EVI5: variants seen among roughly 807,000 people sequenced by gnomAD.
The protein encoded by EVI5 is ecotropic viral integration site 5.
A neutral mutation model predicts 112.0 loss-of-function variants in EVI5; 73 were observed. The observed-to-expected ratio is 0.65, with a 90% CI of 0.54 to 0.79. The LOEUF is 0.79. Among genes scored for constraint, EVI5 ranks in the 30% least tolerant of loss-of-function variants. EVI5 has a pLI of 0.00. For missense variants in EVI5, 900 were observed against 968.8 expected (o/e 0.93, Z 0.94); for synonymous variants, 305 against 319.9 (o/e 0.95, Z 0.50).
chr1:92,701,687 A>ATC (rs1671173349), intron 5 of EVI5, among the ~76,000 whole-genome samples: 1 of 152,054 alleles, frequency 6.6e-6, no homozygotes, highest in Non-Finnish European at 1.5e-5. Context: ...GTGGCTGAGT[A>ATC]CCACTATTTT....
upstream of EVI5, among the ~76,000 whole-genome samples, chr1:92,788,686 C>T (rs201533061): frequency 4.6e-3 from 695 of 151,896 alleles, 1 homozygote; most frequent in South Asian, 0.03. Context: ...CCCAGCTGCT[C>T]GGGAGGCTGA....
At chr1:92,716,361 AC>A (rs1156654466) in intron 2 of EVI5, among the ~76,000 whole-genome samples, 5 of 152,180 alleles carry the variant, frequency 3.3e-5, no homozygotes, top group Non-Finnish European at 7.4e-5. Flanking sequence ...ATTCCAACAG[AC>A]CTGAAACTGA....
intron 13 of EVI5, among the ~76,000 whole-genome samples, chr1:92,660,883 A>G (rs1246393297): frequency 1.3e-5 from 2 of 152,004 alleles, no homozygotes; most frequent in Non-Finnish European, 2.9e-5. Context: ...AACTACATAC[A>G]TTTCCAACAC....
chr1:92,632,793 T>C (rs1395374746), intron 14 of EVI5, among the ~76,000 whole-genome samples: 1 of 152,218 alleles, frequency 6.6e-6, no homozygotes, highest in African/African-American at 2.4e-5. Context: ...TCTTTCCTGC[T>C]TTCTCTTGTG....
chr1:92,581,199 T>C (rs1671879714), intron 18 of EVI5, among the ~76,000 whole-genome samples: 1 of 152,230 alleles, frequency 6.6e-6, no homozygotes, highest in Non-Finnish European at 1.5e-5. Context: ...TGTTCTCACT[T>C]TTCTATAGTC....
chr1:92,785,247 A>C (rs1264377089), upstream of EVI5: 2 of 281,946 alleles, frequency 7.1e-6, no homozygotes, highest in Non-Finnish European at 1.1e-5. Context: ...GGAGGCGGGG[A>C]AATCGCTCTC....
At chr1:92,676,032 A>G (rs541453416) in intron 10 of EVI5, among the ~76,000 whole-genome samples, 169 of 151,920 alleles carry the variant, frequency 1.1e-3, no homozygotes, top group African/African-American at 3.7e-3. Flanking sequence ...TTAAAAAAAA[A>G]AAAAGGAAGG....
intron 19 of EVI5, among the ~76,000 whole-genome samples, chr1:92,553,408 T>A (rs1427017682): frequency 6.7e-6 from 1 of 150,070 alleles, no homozygotes; most frequent in Admixed American, 6.7e-5. Context: ...GTTCAAGCGA[T>A]TCTCCTGCCT....
intron 16 of EVI5, among the ~76,000 whole-genome samples, chr1:92,621,084 A>T (rs1016412772): frequency 1.3e-5 from 2 of 152,090 alleles, no homozygotes; most frequent in Non-Finnish European, 2.9e-5. Flanking sequence ...CACTAAAAAA[A>T]CTCTTGAAAG....
intron 16 of EVI5, among the ~76,000 whole-genome samples, chr1:92,610,762 T>C (rs1651575607): frequency 6.6e-6 from 1 of 151,960 alleles, no homozygotes; most frequent in Non-Finnish European, 1.5e-5. Context: ...GTCCAAAATA[T>C]ACCTAATATG....
chr1:92,772,906 T>TAA (rs529315237), intron 1 of EVI5, among the ~76,000 whole-genome samples: 16,736 of 109,594 alleles, frequency 0.15, 1,460 homozygotes, highest in South Asian at 0.23. Context: ...AACCCCATCT[T>TAA]AAAAAAAAAA....
intron 18 of EVI5, among the ~76,000 whole-genome samples, chr1:92,603,676 AT>A (rs71311975): frequency 1.2e-3 from 182 of 151,420 alleles, no homozygotes; most frequent in Non-Finnish European, 2.3e-3. Flanking sequence ...GGTGTATAAA[AT>A]TTTTTTTATA....
intron 19 of EVI5, among the ~76,000 whole-genome samples, chr1:92,534,429 A>G (rs1663450215): frequency 6.6e-6 from 1 of 152,198 alleles, no homozygotes; most frequent in Non-Finnish European, 1.5e-5. Context: ...GGAAAAAACT[A>G]CTTTAAATTT....
intron 9 of EVI5, among the ~76,000 whole-genome samples, chr1:92,678,342 G>A (rs1483931421): frequency 6.6e-6 from 1 of 152,092 alleles, no homozygotes; most frequent in Non-Finnish European, 1.5e-5. Context: ...ACCAGCCTGG[G>A]CAACATGGTG....
chr1:92,576,809 C>CAA (rs1671159058), intron 18 of EVI5, among the ~76,000 whole-genome samples: 1 of 152,158 alleles, frequency 6.6e-6, no homozygotes, highest in African/African-American at 2.4e-5. Flanking sequence ...CCCTTTGATA[C>CAA]AACTCTTAAT....
chr1:92,741,531 G>A (rs527363849), intron 1 of EVI5, among the ~76,000 whole-genome samples: 8 of 152,030 alleles, frequency 5.3e-5, no homozygotes, highest in South Asian at 2.1e-4. Context: ...CTCTATTTTC[G>A]AAAAGGGCCT....
At chr1:92,670,331 A>G (rs1418873710) in intron 10 of EVI5, among the ~76,000 whole-genome samples, 1 of 152,222 alleles carries the variant, frequency 6.6e-6, no homozygotes, top group Non-Finnish European at 1.5e-5. Context: ...CAGCTTACTC[A>G]GTTTACAAAG....
chr1:92,538,787 G>A (rs1664298312), intron 19 of EVI5, among the ~76,000 whole-genome samples: 1 of 152,186 alleles, frequency 6.6e-6, no homozygotes. Flanking sequence ...GAGGTGGAGG[G>A]AGGAGAAATC....
intron 1 of EVI5, among the ~76,000 whole-genome samples, chr1:92,774,850 A>G (rs1683894763): frequency 6.6e-6 from 1 of 152,216 alleles, no homozygotes; most frequent in Non-Finnish European, 1.5e-5. Context: ...CTTGAAGTAA[A>G]CAGCTAAAAA....
Sources: gnomAD v4.1 joint callset for allele counts (sites outside exome capture counted in the v4.1 genomes callset) on GRCh38, gnomAD v4.1.1 for gene constraint, MANE v1.5 for transcripts, NCBI Gene and HGNC (gene_info 2026-07-23, HGNC 2026-07-21) for gene names.